KATNAL2: variants seen among roughly 807,000 people sequenced by gnomAD.
KATNAL2 encodes katanin p60 ATPase-containing subunit A-like 2.
KATNAL2 carries 52 observed loss-of-function variants against 76.3 expected under a neutral mutation model. The observed-to-expected ratio is 0.68, with a 90% CI of 0.55 to 0.86. KATNAL2 has a LOEUF of 0.86. KATNAL2 is among the 40% of genes least tolerant of loss of function. The probability of loss-of-function intolerance (pLI) is 0.00; values close to 1 mark genes in which losing one functional copy is unlikely to be tolerated. For missense variants in KATNAL2, 660 were observed against 668.9 expected (o/e 0.99, Z 0.15); for synonymous variants, 243 against 244.2 (o/e 1.00, Z 0.05).
chr18:47,048,954 C>T (rs1331560822), intron 4 of KATNAL2, among the ~76,000 whole-genome samples: 2 of 150,732 alleles, frequency 1.3e-5, no homozygotes, highest in African/African-American at 4.9e-5. Context: ...CCTGCCTCAG[C>T]CTCCCGAGTA....
chr18:47,101,106 A>T lies in KATNAL2; in HGVS notation c.*101A>T. On this transcript the variant is annotated 3_prime_UTR_variant, in exon 18 of 18. Transcript: ENST00000683218. Reference sequence around the variant, plus strand: ...AAATGATTGGAATGGAAAAGAGAAAATTATTTTTGAAGACTGGATTAACTT... The same window carrying T: ...AAATGATTGGAATGGAAAAGAGAAATTTATTTTTGAAGACTGGATTAACTT... 1 of 1,352,336 alleles carries T rather than the reference A, an allele frequency of 7.4e-7. No homozygotes were observed. Among genetic ancestry groups the T allele is most frequent in the Non-Finnish European group, 1.0e-6 (1 of 976,186 alleles). 83.8% of individuals were successfully genotyped at this position (1,352,336 alleles called of 1,614,324 possible). A position where few individuals can be genotyped will look rare whatever the true frequency, so the allele number is the denominator to read the frequency against.
chr18:47,084,847 TAAAAAAAAAAAAA>T lies in KATNAL2; in HGVS notation c.1211+7402_1211+7414del, dbSNP rs34034453. The stretch of plus-strand genomic sequence containing the variant: ...CTGGATGACAGAGCAAGACTCTGTC[TAAAAAAAAAAAAA>T]AAAAAAAAAAAAAAAGCCTGCCTCT... On this transcript the variant is annotated intron_variant, in intron 15 of 17. Transcript: ENST00000683218. 2.3e-3 allele frequency among the ~76,000 whole-genome samples: 59 copies of T among 25,546 alleles called. 1 individual carries two copies. Among genetic ancestry groups the T allele is most frequent in the African/African-American group, 9.0e-3 (50 of 5,540 alleles). The allele number at this position is 25,546 out of a possible 152,430, so 16.8% of individuals were successfully genotyped here.
At chr18:47,100,459 G>A in intron 17 of KATNAL2, 103 bp downstream of exon 17, 1 of 883,964 alleles carries the variant, frequency 1.1e-6, no homozygotes, top group Non-Finnish European at 1.8e-6. Flanking sequence ...CTTTACACTT[G>A]GCAATGCGTT....
chr18:46,965,668 G>C (rs2060107077), intron 3 of KATNAL2, among the ~76,000 whole-genome samples: 5 of 106,804 alleles, frequency 4.7e-5, no homozygotes, highest in Admixed American at 1.3e-4. Context: ...GCCACCTCTT[G>C]GTAGCCATGG....
chr18:46,966,851 GT>G (rs1569033860), intron 3 of KATNAL2, among the ~76,000 whole-genome samples: 1 of 114,608 alleles, frequency 8.7e-6, no homozygotes, highest in African/African-American at 3.4e-5. Flanking sequence ...CTGAGGTTTT[GT>G]TTTTTTAATT....
chr18:46,923,919 GTTGT>G (rs1402275950), intron 1 of KATNAL2, among the ~76,000 whole-genome samples: 1 of 152,096 alleles, frequency 6.6e-6, no homozygotes, highest in African/African-American at 2.4e-5. Flanking sequence ...TTTTGATAGG[GTTGT>G]TTGTTTTTTT....
intron 15 of KATNAL2, among the ~76,000 whole-genome samples, chr18:47,088,298 G>A (rs1568018042): frequency 6.6e-6 from 1 of 152,088 alleles, no homozygotes; most frequent in Non-Finnish European, 1.5e-5. Context: ...AAGTCCCAAG[G>A]TCCCTAGCTA....
intron 3 of KATNAL2, chr18:47,028,384 CG>C: frequency 5.5e-6 from 1 of 180,716 alleles, no homozygotes; most frequent in South Asian, 5.0e-5. Flanking sequence ...CTGCTTCCTG[CG>C]GGCTTGGGGG....
intron 1 of KATNAL2, among the ~76,000 whole-genome samples, chr18:46,931,111 A>ATAG (rs2058899849): frequency 8.2e-6 from 1 of 121,708 alleles, no homozygotes; most frequent in South Asian, 2.8e-4. Context: ...GGAAATAATA[A>ATAG]TAATAATAAT....
intron 3 of KATNAL2, chr18:47,033,049 A>G (rs766930067): frequency 1.2e-6 from 2 of 1,614,148 alleles, no homozygotes; most frequent in Admixed American, 1.7e-5. Flanking sequence ...TGCCTTGGCC[A>G]TCAGCGGGGC....
intron 11 of KATNAL2, among the ~76,000 whole-genome samples, chr18:47,067,888 A>G (rs952816741): frequency 6.6e-6 from 1 of 152,194 alleles, no homozygotes; most frequent in African/African-American, 2.4e-5. Flanking sequence ...GGTCTGAGCC[A>G]TCAGCCAGAG....
intron 3 of KATNAL2, among the ~76,000 whole-genome samples, chr18:47,036,594 T>C (rs898027106): frequency 2.8e-4 from 42 of 152,256 alleles, no homozygotes; most frequent in Non-Finnish European, 2.9e-5. Context: ...TTCCACCTGT[T>C]TTAAAACTTT....
At chr18:47,092,236 C>T (rs1392031979) in intron 15 of KATNAL2, among the ~76,000 whole-genome samples, 1 of 152,184 alleles carries the variant, frequency 6.6e-6, no homozygotes, top group Non-Finnish European at 1.5e-5. Flanking sequence ...CAGTGGATCA[C>T]GCCTGTAATC....
intron 15 of KATNAL2, among the ~76,000 whole-genome samples, chr18:47,092,185 A>G (rs1483061000): frequency 6.6e-6 from 1 of 152,150 alleles, no homozygotes; most frequent in East Asian, 1.9e-4. Flanking sequence ...ATATAAATGT[A>G]ATGATTTAGC....
At position 47,101,158 on chromosome 18, in the gene KATNAL2, G is replaced by C. The variant is rs768234006; in HGVS notation, c.*153G>C. On this transcript the variant is annotated 3_prime_UTR_variant, in exon 18 of 18. Coordinates refer to ENST00000683218, the MANE Select transcript of KATNAL2 (RefSeq NM_001387690.1). ...AGCCACTGTATTGTTTTGGATAGCT[G>C]AGATATATTTATTAACTTACCATTA... 1 of 802,312 alleles carries C rather than the reference G, an allele frequency of 1.2e-6. No individual in the cohort carries two copies. The highest frequency in any genetic ancestry group is 1.9e-6 in the Non-Finnish European group (1 of 520,960). The allele number at this position is 802,312 out of a possible 1,614,324, so 49.7% of individuals were successfully genotyped here.
At chr18:47,040,497 T>C (rs1339648845) in intron 3 of KATNAL2, among the ~76,000 whole-genome samples, 3 of 152,236 alleles carry the variant, frequency 2.0e-5, no homozygotes, top group Non-Finnish European at 4.4e-5. Context: ...CTATTTGGGC[T>C]TTTCAGCAAA....
intron 3 of KATNAL2, among the ~76,000 whole-genome samples, chr18:46,955,775 A>G (rs757737223): frequency 9.2e-5 from 14 of 151,518 alleles, no homozygotes; most frequent in Middle Eastern, 6.8e-3. Flanking sequence ...CCAGTCTTGA[A>G]CTCCTGTCCT....
chr18:46,951,975 G>A (rs930883593), intron 3 of KATNAL2, among the ~76,000 whole-genome samples: 8 of 151,970 alleles, frequency 5.3e-5, no homozygotes. Context: ...GTTTCACCAC[G>A]TTGCCCAGGC....
intron 3 of KATNAL2, among the ~76,000 whole-genome samples, chr18:47,025,093 C>T (rs2060265494): frequency 1.0e-5 from 1 of 95,296 alleles, no homozygotes; most frequent in African/African-American, 4.9e-5. Context: ...ATCCCTCTAG[C>T]ATCTCCCCCC....
Sources: gnomAD v4.1 joint callset for allele counts (sites outside exome capture counted in the v4.1 genomes callset) on GRCh38, gnomAD v4.1.1 for gene constraint, MANE v1.5 for transcripts, NCBI Gene and HGNC (gene_info 2026-07-23, HGNC 2026-07-21) for gene names.